The following ZFHX3 variants were observed in gnomAD, a reference collection of about 807,000 sequenced individuals.
The protein encoded by ZFHX3 is zinc finger homeobox protein 3.
ZFHX3 carries 42 observed loss-of-function variants against 279.1 expected under a neutral mutation model. The observed-to-expected ratio is 0.15, with a 90% CI of 0.12 to 0.19. ZFHX3 has a LOEUF of 0.19. Among genes scored for constraint, ZFHX3 ranks in the 10% least tolerant of loss-of-function variants. ZFHX3 has a pLI of 1.00. For missense variants in ZFHX3, 4,981 were observed against 4,754.0 expected (o/e 1.05, Z -1.40); for synonymous variants, 2,293 against 1,957.8 (o/e 1.17, Z -4.52).
intron 2 of ZFHX3, among the ~76,000 whole-genome samples, chr16:73,482,511 A>G (rs1299378983): frequency 1.3e-5 from 2 of 151,974 alleles, no homozygotes; most frequent in Admixed American, 1.3e-4. Flanking sequence ...GACTCTCCAA[A>G]GCATCTTGCA....
chr16:73,881,487 C>CG (rs202201864), intron 1 of ZFHX3, among the ~76,000 whole-genome samples: 2 of 83,628 alleles, frequency 2.4e-5, no homozygotes, highest in African/African-American at 3.8e-5. Flanking sequence ...TCTGCCCCCC[C>CG]CCCCCACTCT....
Position 73,412,337 on chromosome 16 carries a change from AAAAAAAAAAAAAG to A in ZFHX3, c.-1291+43653_-1291+43665del, listed in dbSNP as rs1270014940. 6.6e-5 allele frequency among the ~76,000 whole-genome samples: 5 copies of A among 75,932 alleles called. No homozygotes were observed. In the East Asian group the frequency reaches 1.2e-3, roughly 18 times the overall value. 49.8% of individuals were successfully genotyped at this position (75,932 alleles called of 152,430 possible). The stretch of plus-strand genomic sequence containing the variant: ...GTGAGAGACTGTTTCAAAAAAAAAA[AAAAAAAAAAAAAG>A]TAAATGTCAGAGAATGTGTTTGTCT... On this transcript the variant is annotated intron_variant, in intron 3 of 17. Coordinates refer to the ZFHX3 transcript ENST00000641206.
chr16:73,517,452 C>T (rs370093198), intron 2 of ZFHX3, among the ~76,000 whole-genome samples: 1 of 152,186 alleles, frequency 6.6e-6, no homozygotes, highest in Non-Finnish European at 1.5e-5. Flanking sequence ...ATCCCATCTA[C>T]CTTTCAAATG....
rs200990996 is a variant in ZFHX3 at position 72,787,644 on chromosome 16, C to G, written c.10632G>C (p.Leu3544=). Residue 3544 remains leucine, a synonymous_variant, in exon 10 of 10, where the codon CTG becomes CTC. Coordinates refer to ENST00000268489, the MANE Select transcript of ZFHX3 (RefSeq NM_006885.4). The part of the protein sequence containing the change: ...CESALCGEEA[L]SQHLESALHK... ...GCAAGGCCGACTCGAGATGTTGACTCAGAGCTTCCTCCCCACAGAGCGCGC... is the reference window on the plus strand; with the variant it reads ...GCAAGGCCGACTCGAGATGTTGACTGAGAGCTTCCTCCCCACAGAGCGCGC... 1.0e-4 allele frequency: 169 copies of G among 1,610,566 alleles called. No individual in the cohort carries two copies. The African/African-American group carries it at 1.8e-3, about 17-fold the overall frequency.
In ZFHX3 at chr16:73,134,304, T is replaced by A. The variant is rs188205201; in HGVS notation, c.-1023-3210A>T. ...TTGTTTTTCTAACAATAGCTGTTAG[T>A]GACCTTCCGTGTTAGTCTCCCCACC... On this transcript the variant is annotated intron_variant, in intron 6 of 17. Transcript: ENST00000641206. Among the ~76,000 whole-genome samples the A allele has an allele frequency of 2.0e-5, 3 of 150,260 alleles. No individual in the cohort carries two copies. The East Asian group carries it at 6.0e-4, about 30-fold the overall frequency.
chr16:73,664,908 G>C (rs375635788), intron 2 of ZFHX3, among the ~76,000 whole-genome samples: 50 of 152,174 alleles, frequency 3.3e-4, no homozygotes, highest in African/African-American at 1.0e-3. Context: ...ATTTCCATAG[G>C]AGTTTTATTC....
intron 1 of ZFHX3, among the ~76,000 whole-genome samples, chr16:73,790,413 T>G (rs945646116): frequency 1.3e-5 from 2 of 152,242 alleles, no homozygotes; most frequent in African/African-American, 4.8e-5. Context: ...GTATCTGTTC[T>G]GTGCTTGTTT....
chr16:73,264,224 T>TC (rs2013903086), intron 4 of ZFHX3, among the ~76,000 whole-genome samples: 1 of 152,126 alleles, frequency 6.6e-6, no homozygotes. Flanking sequence ...AAGTATTCAT[T>TC]CCCCCTCTTC....
chr16:73,319,265 G>C (rs981869730), intron 3 of ZFHX3, among the ~76,000 whole-genome samples: 1 of 152,018 alleles, frequency 6.6e-6, no homozygotes, highest in South Asian at 2.1e-4. Context: ...AGCATCAAAG[G>C]CCAAGCAACG....
intron 5 of ZFHX3, among the ~76,000 whole-genome samples, chr16:73,161,218 C>T (rs115176874): frequency 0.01 from 1,532 of 152,240 alleles, 18 homozygotes; most frequent in African/African-American, 0.035. Context: ...CTCAAGCAAT[C>T]CTGTCTCAGC....
At chr16:72,918,709 T>G (rs2039506132) in intron 3 of ZFHX3, among the ~76,000 whole-genome samples, 1 of 151,720 alleles carries the variant, frequency 6.6e-6, no homozygotes, top group South Asian at 2.1e-4. Flanking sequence ...TTTTTTTTTT[T>G]TTTTTAAATG....
intron 2 of ZFHX3, among the ~76,000 whole-genome samples, chr16:73,515,958 A>G (rs953757177): frequency 3.3e-5 from 5 of 152,240 alleles, no homozygotes; most frequent in Admixed American, 1.3e-4. Flanking sequence ...TCCATTGGTC[A>G]TTGCCATTCA....
chr16:73,791,320 G>C (rs764937043), intron 1 of ZFHX3, among the ~76,000 whole-genome samples: 12 of 152,030 alleles, frequency 7.9e-5, no homozygotes, highest in Non-Finnish European at 1.6e-4. Flanking sequence ...GTATAGATCA[G>C]TAGTTCTCAA....
At chr16:72,906,681 CCAA>C (rs148261821) in intron 3 of ZFHX3, among the ~76,000 whole-genome samples, 1 of 152,172 alleles carries the variant, frequency 6.6e-6, no homozygotes, top group African/African-American at 2.4e-5. Flanking sequence ...GCCCGCAGTC[CCAA>C]CAACTCAGGA....
chr16:72,978,165 T>G (rs896648453), intron 1 of ZFHX3, among the ~76,000 whole-genome samples: 1 of 152,152 alleles, frequency 6.6e-6, no homozygotes, highest in African/African-American at 2.4e-5. Flanking sequence ...GCACCCAGCC[T>G]GGGATTTTTT....
chr16:73,598,947 G>C (rs575866271), intron 2 of ZFHX3, among the ~76,000 whole-genome samples: 1 of 152,078 alleles, frequency 6.6e-6, no homozygotes, highest in South Asian at 2.1e-4. Flanking sequence ...ATTTTTAGTA[G>C]AGACGGGGTT....
intron 1 of ZFHX3, among the ~76,000 whole-genome samples, chr16:73,819,897 T>G (rs967269845): frequency 6.6e-6 from 1 of 152,214 alleles, no homozygotes; most frequent in South Asian, 2.1e-4. Flanking sequence ...GAAGTCTTAC[T>G]GCATACCGGC....
At chr16:73,786,004 G>T (rs1266807981) in intron 1 of ZFHX3, among the ~76,000 whole-genome samples, 1 of 152,022 alleles carries the variant, frequency 6.6e-6, no homozygotes, top group African/African-American at 2.4e-5. Flanking sequence ...CTGAGTAGGT[G>T]GGATTACAGG....
chr16:73,095,255 T>G (rs981511626), intron 7 of ZFHX3, among the ~76,000 whole-genome samples: 4 of 151,974 alleles, frequency 2.6e-5, no homozygotes, highest in African/African-American at 9.7e-5. Context: ...TTATACTGGA[T>G]GAAAAGAAAA....
Sources: allele counts gnomAD v4.1 joint callset (sites outside exome capture counted in the v4.1 genomes callset), GRCh38; gene constraint gnomAD v4.1.1; transcripts MANE v1.5; gene names NCBI Gene and HGNC (gene_info 2026-07-23, HGNC 2026-07-21).